Variants in RPS6 observed in about 807,000 individuals in gnomAD.
RPS6 encodes small ribosomal subunit protein eS6.
A neutral mutation model predicts 27.1 loss-of-function variants in RPS6; 1 was observed. That is an observed-to-expected ratio of 0.04 (90% CI 0.01 to 0.18). The LOEUF (loss-of-function observed/expected upper bound fraction) is 0.18. Among genes scored for constraint, RPS6 ranks in the 10% least tolerant of loss-of-function variants. The pLI is 1.00. For synonymous variants in RPS6, 152 were observed against 106.0 expected, an observed-to-expected ratio of 1.43 and a Z score of -2.66; for missense variants, 259 against 319.1, an observed-to-expected ratio of 0.81 and a Z score of 1.44.
At chr9:19,379,466 C>G (rs769973213) in intron 2 of RPS6, 21 bp downstream of exon 2, 2 of 1,614,030 alleles carry the variant, frequency 1.2e-6, no homozygotes, top group African/African-American at 1.3e-5. Context: ...TAAATACCTG[C>G]AACAATTTGT....
chr9:19,378,480 T>C lies in RPS6; in HGVS notation c.384A>G (p.Thr128=), dbSNP rs760962881. 5 of 1,614,214 alleles carry C rather than the reference T, an allele frequency of 3.1e-6. No individual in the cohort carries two copies. In the Admixed American group the frequency reaches 6.7e-5, roughly 22 times the overall value. ...EKDIPGLTDT[T]VPRRLGPKRA... is the part of the protein sequence containing the mutation. ...TTTTGGGGCCCAGGCGGCGAGGCACTGTAGTATCAGTCAGTCCAGGAATAT... is the reference window on the plus strand; with the variant it reads ...TTTTGGGGCCCAGGCGGCGAGGCACCGTAGTATCAGTCAGTCCAGGAATAT... The change falls in exon 4 of 6, where the codon ACA becomes ACG. Residue 128 remains threonine, a synonymous_variant. Coordinates refer to ENST00000380394, the MANE Select transcript of RPS6 (RefSeq NM_001010.3).
intron 1 of RPS6, 177 bp from the exon 2 acceptor site, chr9:19,379,795 A>G: frequency 6.2e-6 from 9 of 1,443,936 alleles, no homozygotes; most frequent in Non-Finnish European, 8.1e-6. Context: ...GCAGTCAAGA[A>G]GCGCCGCACT....
rs553421652 is a variant in RPS6 at position 19,376,290 on chromosome 9, A to G, written c.*3T>C. The G allele has an allele frequency of 5.6e-6, 9 of 1,607,012 alleles. No homozygotes were observed. In the East Asian group the frequency reaches 8.9e-5, roughly 16 times the overall value. On this transcript the variant is annotated 3_prime_UTR_variant, in exon 6 of 6. Coordinates refer to ENST00000380394, the MANE Select transcript of RPS6 (RefSeq NM_001010.3). ...ATCTTATTTATTTGTTACTCAAAAA[A>G]TCTTATTTCTGACTGGATTCAGACT...
At position 19,380,215 on chromosome 9, in the gene RPS6, T is replaced by C. The variant is rs1563859057; in HGVS notation, c.-20A>G. 8 of 1,613,714 alleles carry C rather than the reference T, an allele frequency of 5.0e-6. No individual in the cohort carries two copies. In the South Asian group the frequency reaches 7.7e-5, roughly 16 times the overall value. On this transcript the variant is annotated 5_prime_UTR_variant, in exon 1 of 6. Coordinates refer to ENST00000380394, the MANE Select transcript of RPS6 (RefSeq NM_001010.3). ...CTTCATCTTGAAGCAGCTGAACGCC[T>C]CCGAGGCGCCACGGAAAAGAGGGCC... is the stretch of plus-strand genomic sequence containing the variant.
rs747954110 is a variant in RPS6, at chr9:19,379,634, G to A, written c.7-16C>T. 5 of 1,607,064 alleles carry A rather than the reference G, an allele frequency of 3.1e-6. No individual in the cohort carries two copies. Among genetic ancestry groups the A allele is most frequent in the South Asian group, 1.1e-5 (1 of 90,434 alleles). ...AGATGTTCAGCTAAGGATTAAAAGG[G>A]GGGAAATAGTTTACGAAACTATCTA... On this transcript the variant is annotated splice_polypyrimidine_tract_variant and intron_variant, in intron 1 of 5. Coordinates refer to ENST00000380394, the MANE Select transcript of RPS6 (RefSeq NM_001010.3).
intron 3 of RPS6, 51 bp downstream of exon 3, chr9:19,378,657 C>A: frequency 1.3e-6 from 2 of 1,597,732 alleles, no homozygotes; most frequent in Non-Finnish European, 1.7e-6. Flanking sequence ...AGCATTTGGA[C>A]AACTGGCTTT....
chr9:19,376,830 G>T (rs1829596445), intron 4 of RPS6, 179 bp from the exon 5 acceptor site: 4 of 518,436 alleles, frequency 7.7e-6, no homozygotes, highest in Non-Finnish European at 1.3e-5. Flanking sequence ...AAATCTAGAA[G>T]ATTGGTTAAA....
intron 2 of RPS6, 198 bp from the exon 3 acceptor site, chr9:19,379,116 A>T: frequency 1.3e-6 from 1 of 762,446 alleles, no homozygotes; most frequent in Non-Finnish European, 2.1e-6. Flanking sequence ...AATGTCTTTC[A>T]AGTCGCATTT....
chr9:19,377,117 T>C (rs1369052844), intron 4 of RPS6, among the ~76,000 whole-genome samples: 1 of 152,212 alleles, frequency 6.6e-6, no homozygotes. Flanking sequence ...TGTTAAAGTA[T>C]CTTCATTAAT....
chr9:19,380,229 GA>G lies in RPS6; in HGVS notation c.-35del. 2.5e-6 allele frequency: 4 copies of G among 1,611,900 alleles called. No homozygotes were observed. The highest frequency in any genetic ancestry group is 3.4e-6 in the Non-Finnish European group (4 of 1,178,022). On this transcript the variant is annotated 5_prime_UTR_variant, in exon 1 of 6. Transcript: ENST00000380394. ...AGCTGAACGCCTCCGAGGCGCCACGGAAAAGAGGGCCAACTTCCGCTTAGCG... is the reference window on the plus strand; with the variant it reads ...AGCTGAACGCCTCCGAGGCGCCACGGAAAGAGGGCCAACTTCCGCTTAGCG...
chr9:19,379,707 G>C (rs928533939), intron 1 of RPS6, 89 bp from the exon 2 acceptor site: 8 of 1,518,386 alleles, frequency 5.3e-6, no homozygotes, highest in Non-Finnish European at 5.3e-6. Flanking sequence ...ACTGCAAAAA[G>C]CCTTTCATGT....
intron 1 of RPS6, chr9:19,379,922 C>A: frequency 7.0e-7 from 1 of 1,430,388 alleles, no homozygotes; most frequent in South Asian, 1.5e-5. Flanking sequence ...CACAGGCCTG[C>A]CGCAAACTGG....
chr9:19,376,333 A>T lies in RPS6; in HGVS notation c.710T>A (p.Leu237Gln). ...QIAKRRRLSS[L>Q]RASTSKSESS... ...TTCAGACTTAGAAGTAGAAGCTCGC[A>T]GAGAGGAAAGTCTGCGTCTCTTCGC... Residue 237 changes from leucine to glutamine, a missense_variant, in exon 6 of 6, where the codon CTG becomes CAG. Physicochemically the swap from Leu to Gln is moderately radical, Grantham distance 113 (BLOSUM62 -2). This residue lies in a region of RPS6 where 191 missense variants were observed against 231.6 expected (regional missense o/e 0.82). Coordinates refer to ENST00000380394, the MANE Select transcript of RPS6 (RefSeq NM_001010.3). The T allele has an allele frequency of 6.2e-7, 1 of 1,614,186 alleles. No homozygotes were observed. Among genetic ancestry groups the T allele is most frequent in the Non-Finnish European group, 8.5e-7 (1 of 1,180,040 alleles).
chr9:19,378,286 CATATTT>C (rs1311314739), intron 4 of RPS6, 76 bp downstream of exon 4: 42 of 1,393,522 alleles, frequency 3.0e-5, no homozygotes, highest in Non-Finnish European at 4.1e-5. Flanking sequence ...TCCAAAGGCA[CATATTT>C]ATCTTCTGAT....
chr9:19,377,614 G>A (rs933138710), intron 4 of RPS6, among the ~76,000 whole-genome samples: 1 of 152,126 alleles, frequency 6.6e-6, no homozygotes, highest in Non-Finnish European at 1.5e-5. Context: ...TGACTGACAT[G>A]CTGTTTATTT....
At chr9:19,377,736 T>A (rs2132426813) in intron 4 of RPS6, among the ~76,000 whole-genome samples, 1 of 152,280 alleles carries the variant, frequency 6.6e-6, no homozygotes, top group South Asian at 2.1e-4. Flanking sequence ...AGCTCCAAAA[T>A]CCCTAACACC....
rs766566379 is a variant in RPS6, at chr9:19,378,874, G to A, written c.183C>T (p.Phe61=). The A allele has an allele frequency of 2.1e-5, 34 of 1,613,684 alleles. 1 individual carries two copies. In the South Asian group the frequency reaches 3.5e-4, roughly 17 times the overall value. The change falls in exon 3 of 6, where the codon TTC becomes TTT. Residue 61 remains phenylalanine (F), a synonymous_variant. Transcript: ENST00000380394. ...GGGTCAAGACACCCTGCTTCATGGG[G>A]AAACCTTGTTTGTCGTTCCCACCAC... ...RISGGNDKQG[F]PMKQGVLTHG...
chr9:19,379,995 G>A (rs1829652946), intron 1 of RPS6, 195 bp downstream of exon 1: 1 of 1,464,480 alleles, frequency 6.8e-7, no homozygotes. Flanking sequence ...CCGGCCCGCC[G>A]CGGCTCCAGC....
chr9:19,378,769 T>C lies in RPS6; in HGVS notation c.288A>G (p.Ser96=). Residue 96 remains serine, a synonymous_variant, in exon 3 of 6, where the codon TCA becomes TCG. Transcript: ENST00000380394. ...PRRTGERKRK[S]VRGCIVDANL... is the part of the protein sequence containing the mutation. ...TTGCATCCACAATGCAACCACGAAC[T>C]GATTTTCTCTTTCTTTCTCCAGTTC... 6.2e-7 allele frequency: 1 copy of C among 1,614,172 alleles called. No individual in the cohort carries two copies. The highest frequency in any genetic ancestry group is 8.5e-7 in the Non-Finnish European group (1 of 1,180,040).
Sources: gnomAD v4.1 joint callset for allele counts (sites outside exome capture counted in the v4.1 genomes callset) on GRCh38, gnomAD v4.1.1 for gene constraint, gnomAD v4.1.1 regional missense constraint, MANE v1.5 for transcripts, NCBI Gene and HGNC (gene_info 2026-07-23, HGNC 2026-07-21) for gene names.